The following SNX7 variants were observed in gnomAD, a reference collection of about 807,000 sequenced individuals.
SNX7 encodes sorting nexin-7.
Under a neutral mutation model 48.4 loss-of-function variants are expected in SNX7, and 35 were observed. The ratio of observed to expected loss-of-function variants is 0.72; its 90% CI spans 0.55 to 0.96. The LOEUF (loss-of-function observed/expected upper bound fraction) is 0.96. Among genes scored for constraint, SNX7 ranks in the 40% least tolerant of loss-of-function variants. The probability of loss-of-function intolerance (pLI) is 0.00; values close to 1 mark genes in which losing one functional copy is unlikely to be tolerated. For missense variants in SNX7, 553 were observed against 548.9 expected (o/e 1.01, Z -0.07); for synonymous variants, 190 against 190.2 (o/e 1.00, Z 0.01).
At chr1:98,725,500 G>A (rs1653117687) in intron 7 of SNX7, among the ~76,000 whole-genome samples, 1 of 152,110 alleles carries the variant, frequency 6.6e-6, no homozygotes. Flanking sequence ...AGTAAGTGCT[G>A]AAGAAACAGT....
intron 1 of SNX7, among the ~76,000 whole-genome samples, chr1:98,674,078 G>A (rs1650023877): frequency 6.6e-6 from 1 of 152,108 alleles, no homozygotes; most frequent in African/African-American, 2.4e-5. Flanking sequence ...TTAAAGGAGG[G>A]TGGAAAAAAA....
At chr1:98,747,588 T>G (rs981209667) in intron 8 of SNX7, among the ~76,000 whole-genome samples, 1 of 152,146 alleles carries the variant, frequency 6.6e-6, no homozygotes, top group African/African-American at 2.4e-5. Context: ...CCACAGATAG[T>G]TTAAGAAGCA....
intron 1 of SNX7, among the ~76,000 whole-genome samples, chr1:98,677,986 TGTGC>T (rs1306955396): frequency 2.3e-5 from 3 of 127,756 alleles, no homozygotes; most frequent in African/African-American, 7.4e-5. Flanking sequence ...TCTGTGTGTG[TGTGC>T]GTGTGTGTGT....
chr1:98,722,275 A>G (rs1037112900), intron 7 of SNX7, among the ~76,000 whole-genome samples: 3 of 152,196 alleles, frequency 2.0e-5, no homozygotes. Context: ...AAAAGTATGT[A>G]TTGTAAAGTA....
At chr1:98,666,517 T>C (rs547184241) in intron 1 of SNX7, among the ~76,000 whole-genome samples, 32 of 152,240 alleles carry the variant, frequency 2.1e-4, no homozygotes, top group African/African-American at 7.5e-4. Flanking sequence ...TAAGGTGATG[T>C]CATCTATAGG....
At chr1:98,728,127 C>T (rs113402363) in intron 7 of SNX7, among the ~76,000 whole-genome samples, 1 of 151,824 alleles carries the variant, frequency 6.6e-6, no homozygotes, top group Non-Finnish European at 1.5e-5. Context: ...ATGTTAAGAG[C>T]AGCCAGAGAG....
At chr1:98,703,460 T>C (rs1651854028) in intron 7 of SNX7, among the ~76,000 whole-genome samples, 1 of 152,016 alleles carries the variant, frequency 6.6e-6, no homozygotes, top group South Asian at 2.1e-4. Context: ...TCCAGTGGAA[T>C]GTGAGTGGGG....
intron 4 of SNX7, among the ~76,000 whole-genome samples, chr1:98,694,596 A>ATTTTTTTTTTTTTTTTTTTTTTT (rs764330196): frequency 1.9e-5 from 1 of 53,200 alleles, no homozygotes; most frequent in Admixed American, 3.6e-4. Flanking sequence ...TTGCTCTGGG[A>ATTTTTTTTTTTTTTTTTTTTTTT]TTTTTTTTTT....
intron 8 of SNX7, among the ~76,000 whole-genome samples, chr1:98,757,811 T>G (rs557465620): frequency 4.2e-4 from 64 of 152,174 alleles, no homozygotes; most frequent in African/African-American, 1.5e-3. Context: ...GCAACAGAAG[T>G]CCTGAGCCTG....
chr1:98,751,339 T>G (rs949728955), intron 8 of SNX7, among the ~76,000 whole-genome samples: 1 of 152,076 alleles, frequency 6.6e-6, no homozygotes, highest in Admixed American at 6.6e-5. Flanking sequence ...AGATTTATTT[T>G]CAAAACTGAA....
At chr1:98,727,480 C>G (rs541334844) in intron 7 of SNX7, among the ~76,000 whole-genome samples, 7 of 152,106 alleles carry the variant, frequency 4.6e-5, no homozygotes, top group Admixed American at 3.3e-4. Context: ...TCCAAATGAT[C>G]ACAGCACCTC....
chr1:98,732,459 T>G lies in SNX7; in HGVS notation c.1126-5778T>G, dbSNP rs79768031. Reference sequence around the variant, plus strand: ...GTAGTCAATTATGTATTCCTCTCCGTCTCAGTGATGGGCACTTTACATAAG... The same window carrying G: ...GTAGTCAATTATGTATTCCTCTCCGGCTCAGTGATGGGCACTTTACATAAG... On this transcript the variant is annotated intron_variant, in intron 7 of 8. Coordinates refer to ENST00000306121, the MANE Select transcript of SNX7 (RefSeq NM_015976.5). Among the ~76,000 whole-genome samples the G allele has an allele frequency of 3.5e-3, 532 of 152,202 alleles. 4 individuals are homozygous for G. Among genetic ancestry groups the G allele is most frequent in the African/African-American group, 0.012 (512 of 41,540 alleles).
rs1649240684 is a variant in SNX7, at chr1:98,661,848, C to G, written c.117C>G (p.Ala39=). 2 of 1,246,686 alleles carry G rather than the reference C, an allele frequency of 1.6e-6. No individual in the cohort carries two copies. Among genetic ancestry groups the G allele is most frequent in the South Asian group, 4.1e-5 (1 of 24,318 alleles). The allele number at this position is 1,246,686 out of a possible 1,614,324, so 77.2% of individuals were successfully genotyped here. A position where few individuals can be genotyped will look rare whatever the true frequency, so the allele number is the denominator to read the frequency against. ...TTCCGGGCAGCAGTGGCTCTTCCGCCCTGCTGCAGGCGGAGGTGCTGGATC... is the reference window on the plus strand; with the variant it reads ...TTCCGGGCAGCAGTGGCTCTTCCGCGCTGCTGCAGGCGGAGGTGCTGGATC... ...APFPGSSGSS[A]LLQAEVLDLD... The change falls in exon 1 of 9, where the codon GCC becomes GCG. Residue 39 remains alanine, a synonymous_variant. Transcript: ENST00000306121.
At chr1:98,682,463 A>G (rs750816120) in intron 1 of SNX7, among the ~76,000 whole-genome samples, 1 of 152,174 alleles carries the variant, frequency 6.6e-6, no homozygotes, top group Non-Finnish European at 1.5e-5. Flanking sequence ...GAATAGGTAC[A>G]TGGGAAGTAA....
intron 8 of SNX7, among the ~76,000 whole-genome samples, chr1:98,745,917 G>A (rs1412439435): frequency 6.6e-6 from 1 of 151,974 alleles, no homozygotes; most frequent in Non-Finnish European, 1.5e-5. Flanking sequence ...TGTTTCGAGA[G>A]CCCAGCATTG....
chr1:98,670,721 A>C (rs1253416341), intron 1 of SNX7, among the ~76,000 whole-genome samples: 3 of 152,160 alleles, frequency 2.0e-5, no homozygotes, highest in Non-Finnish European at 4.4e-5. Flanking sequence ...AAAATTTCCT[A>C]AGGATGCATT....
intron 7 of SNX7, among the ~76,000 whole-genome samples, chr1:98,720,526 C>T (rs577706150): frequency 6.4e-4 from 98 of 152,128 alleles, no homozygotes; most frequent in Non-Finnish European, 1.2e-3. Flanking sequence ...AATTTTTATA[C>T]TTGAGCTATA....
intron 7 of SNX7, among the ~76,000 whole-genome samples, chr1:98,733,433 C>T (rs12071100): frequency 0.28 from 42,030 of 151,964 alleles, 6,142 homozygotes; most frequent in Middle Eastern, 0.31. Context: ...TCCACTTGTC[C>T]TCTGTGAAAA....
At chr1:98,667,944 A>T (rs1292566204) in intron 1 of SNX7, among the ~76,000 whole-genome samples, 1 of 151,876 alleles carries the variant, frequency 6.6e-6, no homozygotes, top group Non-Finnish European at 1.5e-5. Flanking sequence ...CAAACAAACA[A>T]AAAAAACAAT....
Sources: gnomAD v4.1 joint callset for allele counts (sites outside exome capture counted in the v4.1 genomes callset) on GRCh38, gnomAD v4.1.1 for gene constraint, MANE v1.5 for transcripts, NCBI Gene and HGNC (gene_info 2026-07-23, HGNC 2026-07-21) for gene names.